Variants in RRAGD observed in about 807,000 individuals in gnomAD.
RRAGD encodes the protein Ras related GTP binding D, also known as ras-related GTP-binding protein D.
In RRAGD, 12 loss-of-function variants were observed where a neutral mutation model predicts 35.5. The ratio of observed to expected loss-of-function variants is 0.34; its 90% confidence interval spans 0.22 to 0.55. The LOEUF (loss-of-function observed/expected upper bound fraction) is 0.55. Ranked by LOEUF, RRAGD falls within the 20% of genes least tolerant of loss-of-function variation. RRAGD has a pLI of 0.91. For synonymous variants in RRAGD, 155 were observed against 178.9 expected (o/e 0.87, Z 1.07); for missense variants, 324 against 490.1 (o/e 0.66, Z 3.20).
chr6:89,397,323 G>T (rs113621772), intron 1 of RRAGD, among the ~76,000 whole-genome samples: 74 of 152,268 alleles, frequency 4.9e-4, no homozygotes, highest in African/African-American at 1.7e-3. Context: ...CAGTTTGGTG[G>T]TTTCTTAAGA....
At chr6:89,383,986 G>T (rs930672824) in intron 2 of RRAGD, among the ~76,000 whole-genome samples, 1 of 151,840 alleles carries the variant, frequency 6.6e-6, no homozygotes, top group Non-Finnish European at 1.5e-5. Flanking sequence ...GCTGGGTGTG[G>T]TGGCTACTCA....
intron 5 of RRAGD, among the ~76,000 whole-genome samples, chr6:89,376,434 G>A (rs1390107505): frequency 1.3e-5 from 2 of 152,066 alleles, no homozygotes; most frequent in Non-Finnish European, 2.9e-5. Context: ...AAAGCTGAAA[G>A]GCAGAGCGTC....
At position 89,372,469 on chromosome 6, in the gene RRAGD, C is replaced by T; in HGVS notation, c.1019G>A (p.Cys340Tyr). 6.2e-7 allele frequency: 1 copy of T among 1,613,640 alleles called. No individual in the cohort carries two copies. Among genetic ancestry groups the T allele is most frequent in the Non-Finnish European group, 8.5e-7 (1 of 1,179,856 alleles). Reference sequence around the variant, plus strand: ...TTCAAAGCTTTCCTCTCTGACAAAGCAAACGAGAGCCAGGAACTTTGTCAC... The same window carrying T: ...TTCAAAGCTTTCCTCTCTGACAAAGTAAACGAGAGCCAGGAACTTTGTCAC... ...KEVTKFLALV[C>Y]FVREESFERK... Residue 340 changes from cysteine to tyrosine, a missense_variant, in exon 6 of 7, where the codon TGC becomes TAC. Cys to Tyr is a radical substitution (Grantham distance 194, BLOSUM62 -2). Transcript: ENST00000369415.
chr6:89,404,449 G>A (rs1769540291), intron 1 of RRAGD, among the ~76,000 whole-genome samples: 2 of 152,142 alleles, frequency 1.3e-5, no homozygotes, highest in African/African-American at 2.4e-5. Context: ...TTTATGCCTA[G>A]GTGAAGTTTA....
chr6:89,369,555 G>A (rs1478637525), intron 6 of RRAGD, among the ~76,000 whole-genome samples: 1 of 152,100 alleles, frequency 6.6e-6, no homozygotes, highest in Non-Finnish European at 1.5e-5. Flanking sequence ...CTGGGCTCAA[G>A]CAATCCTCCC....
chr6:89,402,099 G>C (rs1156770627), intron 1 of RRAGD, among the ~76,000 whole-genome samples: 1 of 129,494 alleles, frequency 7.7e-6, no homozygotes, highest in Non-Finnish European at 1.5e-5. Context: ...CCAGGCTAGA[G>C]TGTAGTGGTG....
At chr6:89,387,689 A>T in intron 1 of RRAGD, 99 bp from the exon 2 acceptor site, 3 of 1,137,304 alleles carry the variant, frequency 2.6e-6, no homozygotes, top group Non-Finnish European at 3.8e-6. Context: ...TGATTCACAG[A>T]TGATGCCACT....
intron 6 of RRAGD, among the ~76,000 whole-genome samples, chr6:89,370,359 A>G (rs1363713314): frequency 6.6e-6 from 1 of 152,266 alleles, no homozygotes; most frequent in Non-Finnish European, 1.5e-5. Context: ...ACAGGACATC[A>G]CTAAGCAGCA....
chr6:89,401,058 A>G (rs1227339823), intron 1 of RRAGD, among the ~76,000 whole-genome samples: 5 of 152,202 alleles, frequency 3.3e-5, no homozygotes, highest in Non-Finnish European at 1.5e-5. Flanking sequence ...ATTACCATGC[A>G]CGGCCAGCTA....
At chr6:89,383,752 G>A (rs1046220254) in intron 2 of RRAGD, among the ~76,000 whole-genome samples, 2 of 152,046 alleles carry the variant, frequency 1.3e-5, no homozygotes, top group Non-Finnish European at 2.9e-5. Flanking sequence ...TATTTATCCG[G>A]CAATCCTGTG....
In RRAGD at chr6:89,405,132, C is replaced by T. The variant is rs572905327; in HGVS notation, c.148+6714G>A. Among the ~76,000 whole-genome samples the T allele has an allele frequency of 2.2e-4, 33 of 152,044 alleles. No homozygotes were observed. In the South Asian group the frequency reaches 6.0e-3, roughly 28 times the overall value. On this transcript the variant is annotated intron_variant, in intron 1 of 6. Coordinates refer to ENST00000369415, the MANE Select transcript of RRAGD (RefSeq NM_021244.5). ...TTGGGAGGCCAAGGTGGGCGGATCA[C>T]GAGGTCAGGAGATCGAGATCATCCT...
At chr6:89,373,968 C>T (rs1208889472) in intron 5 of RRAGD, among the ~76,000 whole-genome samples, 1 of 152,142 alleles carries the variant, frequency 6.6e-6, no homozygotes, top group Non-Finnish European at 1.5e-5. Context: ...AAGGACACTT[C>T]CCTAAACCTT....
At chr6:89,376,095 T>C (rs1292124862) in intron 5 of RRAGD, among the ~76,000 whole-genome samples, 1 of 152,192 alleles carries the variant, frequency 6.6e-6, no homozygotes, top group Non-Finnish European at 1.5e-5. Flanking sequence ...ATTTAAACGG[T>C]TTAAAAATAA....
intron 5 of RRAGD, among the ~76,000 whole-genome samples, chr6:89,374,854 A>G (rs1768911782): frequency 6.6e-6 from 1 of 152,182 alleles, no homozygotes; most frequent in Admixed American, 6.5e-5. Context: ...AATGTTAAAG[A>G]TGCTTTAACA....
Position 89,412,266 on chromosome 6 carries a change from G to GAGAT in RRAGD, c.-274_-273insATCT, listed in dbSNP as rs1258357984. ...GTTCCTCCCGGAGGAGGGAGAGAGA[G>GAGAT]AGAGACTGCGTGACCCGAGTCACCT... On this transcript the variant is annotated 5_prime_UTR_variant, in exon 1 of 7. Transcript: ENST00000369415. This position sits in a 1 kb window ranked among gnomAD's most constrained non-coding sequence, Gnocchi z 4.2. 4 of 233,182 alleles carry GAGAT rather than the reference G, an allele frequency of 1.7e-5. No individual in the cohort carries two copies. Among genetic ancestry groups the GAGAT allele is most frequent in the African/African-American group, 9.2e-5 (4 of 43,324 alleles). 14.4% of individuals were successfully genotyped at this position (233,182 alleles called of 1,614,324 possible). A position where few individuals can be genotyped will look rare whatever the true frequency, so the allele number is the denominator to read the frequency against.
At chr6:89,390,289 T>C (rs1769207686) in intron 1 of RRAGD, among the ~76,000 whole-genome samples, 3 of 152,156 alleles carry the variant, frequency 2.0e-5, no homozygotes, top group African/African-American at 7.2e-5. Context: ...GAGTCTAGTA[T>C]CCCGAATATA....
At chr6:89,369,509 C>T (rs187903053) in intron 6 of RRAGD, among the ~76,000 whole-genome samples, 72 of 152,270 alleles carry the variant, frequency 4.7e-4, no homozygotes, top group African/African-American at 1.5e-3. Context: ...GGTGGGAGTG[C>T]AAGGCTCAAT....
At chr6:89,384,903 G>A (rs1475661213) in intron 2 of RRAGD, among the ~76,000 whole-genome samples, 1 of 151,060 alleles carries the variant, frequency 6.6e-6, no homozygotes, top group Admixed American at 6.6e-5. Flanking sequence ...ACACCCAAGA[G>A]AAGAGCCAAG....
chr6:89,411,767 G>T lies in RRAGD; in HGVS notation c.148+79C>A. 6.9e-7 allele frequency: 1 copy of T among 1,447,822 alleles called. No homozygotes were observed. Among genetic ancestry groups the T allele is most frequent in the Non-Finnish European group, 9.2e-7 (1 of 1,088,274 alleles). 89.7% of individuals were successfully genotyped at this position (1,447,822 alleles called of 1,614,324 possible). A position where few individuals can be genotyped will look rare whatever the true frequency, so the allele number is the denominator to read the frequency against. ...GACCCCCTCCAAGTCGGTGGCTCGCGCACGGCCGGGCTGGGGGCGGGAAGG... is the reference window on the plus strand; with the variant it reads ...GACCCCCTCCAAGTCGGTGGCTCGCTCACGGCCGGGCTGGGGGCGGGAAGG... On this transcript the variant is annotated intron_variant, in intron 1 of 6. Coordinates refer to ENST00000369415, the MANE Select transcript of RRAGD (RefSeq NM_021244.5). This position sits in a 1 kb window ranked among gnomAD's most constrained non-coding sequence, Gnocchi z 5.6.
Sources: gnomAD v4.1 joint callset for allele counts (sites outside exome capture counted in the v4.1 genomes callset) on GRCh38, gnomAD v4.1.1 for gene constraint, Gnocchi (gnomAD v3.1) non-coding constraint, MANE v1.5 for transcripts, NCBI Gene and HGNC (gene_info 2026-07-23, HGNC 2026-07-21) for gene names.